TBC1D22A: variants seen among roughly 807,000 people sequenced by gnomAD.
The protein encoded by TBC1D22A is putative GTPase activator.
TBC1D22A carries 38 observed loss-of-function variants against 60.2 expected under a neutral mutation model. The ratio of observed to expected loss-of-function variants is 0.63; its 90% CI spans 0.49 to 0.83. The LOEUF (loss-of-function observed/expected upper bound fraction) is 0.83, where lower values mean the gene tolerates loss of function less well. Among genes scored for constraint, TBC1D22A ranks in the 40% least tolerant of loss-of-function variants. TBC1D22A has a pLI of 0.00. For synonymous variants in TBC1D22A, 302 were observed against 281.7 expected (o/e 1.07, Z -0.72); for missense variants, 628 against 701.0 (o/e 0.90, Z 1.18).
intron 11 of TBC1D22A, among the ~76,000 whole-genome samples, chr22:47,109,916 C>T (rs908093198): frequency 6.6e-6 from 1 of 152,106 alleles, no homozygotes. Context: ...CCTCCTGGTT[C>T]TCCTGGTTCC....
chr22:47,118,236 G>C (rs8142610), intron 12 of TBC1D22A, among the ~76,000 whole-genome samples: 1 of 152,164 alleles, frequency 6.6e-6, no homozygotes, highest in Non-Finnish European at 1.5e-5. Flanking sequence ...TTCTTTCTAA[G>C]TATTTATGGA....
intron 4 of TBC1D22A, among the ~76,000 whole-genome samples, chr22:46,839,535 C>T (rs2086662345): frequency 6.6e-6 from 1 of 152,266 alleles, no homozygotes; most frequent in Admixed American, 6.5e-5. Context: ...AAGTGATCTA[C>T]ACATAGGACA....
intron 10 of TBC1D22A, among the ~76,000 whole-genome samples, chr22:47,021,281 A>C (rs1262736316): frequency 7.8e-6 from 1 of 128,842 alleles, no homozygotes. Flanking sequence ...CCCCACCTGT[A>C]GCCTGGAGCC....
chr22:47,162,732 C>T, intron 12 of TBC1D22A, among the ~76,000 whole-genome samples: 1 of 127,136 alleles, frequency 7.9e-6, no homozygotes, highest in South Asian at 2.5e-4. Flanking sequence ...GGGAATGGGA[C>T]TGCGGACCCG....
intron 10 of TBC1D22A, among the ~76,000 whole-genome samples, chr22:47,001,884 C>T (rs2061421473): frequency 6.6e-6 from 1 of 152,086 alleles, no homozygotes; most frequent in Non-Finnish European, 1.5e-5. Flanking sequence ...GGCATGTGTC[C>T]AGCAACTCCA....
At chr22:47,164,534 C>T (rs6007617) in intron 12 of TBC1D22A, among the ~76,000 whole-genome samples, 1 of 152,060 alleles carries the variant, frequency 6.6e-6, no homozygotes, top group African/African-American at 2.4e-5. Context: ...CTGGGTCTCC[C>T]CTGCCCTTGC....
chr22:46,827,064 C>G (rs1286874865), intron 4 of TBC1D22A, among the ~76,000 whole-genome samples: 1 of 151,796 alleles, frequency 6.6e-6, no homozygotes, highest in Non-Finnish European at 1.5e-5. Context: ...TGACAGGGTT[C>G]TTTGTGCCTG....
At chr22:46,953,229 A>G (rs2073013661) in intron 8 of TBC1D22A, among the ~76,000 whole-genome samples, 1 of 152,212 alleles carries the variant, frequency 6.6e-6, no homozygotes, top group Non-Finnish European at 1.5e-5. Context: ...GTTGCAGTCA[A>G]TATTACATTA....
chr22:46,774,334 C>T, intron 1 of TBC1D22A: 1 of 871,488 alleles, frequency 1.1e-6, no homozygotes, highest in African/African-American at 1.8e-5. Context: ...TGGGCTCTTC[C>T]CATTTCTGGG....
chr22:47,113,019 T>C (rs905418469), intron 12 of TBC1D22A, among the ~76,000 whole-genome samples: 2 of 152,230 alleles, frequency 1.3e-5, no homozygotes, highest in Non-Finnish European at 2.9e-5. Flanking sequence ...TGCGGTCTCC[T>C]GGCCAGCCTC....
intron 8 of TBC1D22A, among the ~76,000 whole-genome samples, chr22:46,916,547 G>A (rs142305368): frequency 0.011 from 1,687 of 152,314 alleles, 40 homozygotes; most frequent in African/African-American, 0.039. Context: ...GTGCAGGCAC[G>A]TGCACGCGGA....
chr22:47,153,281 G>A (rs1363945705), intron 12 of TBC1D22A, among the ~76,000 whole-genome samples: 1 of 152,216 alleles, frequency 6.6e-6, no homozygotes, highest in Non-Finnish European at 1.5e-5. Context: ...GAGTCATGTG[G>A]TCATATCTGA....
At chr22:46,987,325 T>G (rs938789873) in intron 9 of TBC1D22A, among the ~76,000 whole-genome samples, 1 of 152,204 alleles carries the variant, frequency 6.6e-6, no homozygotes, top group Non-Finnish European at 1.5e-5. Context: ...GAAAATACCC[T>G]ACTTGTATCT....
At chr22:46,994,645 C>G (rs777307161) in intron 9 of TBC1D22A, among the ~76,000 whole-genome samples, 1 of 152,222 alleles carries the variant, frequency 6.6e-6, no homozygotes, top group African/African-American at 2.4e-5. Flanking sequence ...ATAGGACATT[C>G]ATTAAATAAT....
chr22:47,104,884 T>C (rs1302411445), intron 11 of TBC1D22A, among the ~76,000 whole-genome samples: 1 of 152,124 alleles, frequency 6.6e-6, no homozygotes, highest in Non-Finnish European at 1.5e-5. Context: ...TAAATTCACC[T>C]ATCGCCTGGG....
intron 12 of TBC1D22A, among the ~76,000 whole-genome samples, chr22:47,157,689 C>T (rs76170156): frequency 0.02 from 2,993 of 152,318 alleles, 57 homozygotes; most frequent in Non-Finnish European, 0.032. Flanking sequence ...CGCTGACCCT[C>T]GCTCCGAGTC....
chr22:46,834,213 A>G (rs1332428881), intron 4 of TBC1D22A, among the ~76,000 whole-genome samples: 1 of 152,174 alleles, frequency 6.6e-6, no homozygotes, highest in Non-Finnish European at 1.5e-5. Flanking sequence ...AAATACCAGA[A>G]TAAAAAAGCA....
intron 5 of TBC1D22A, among the ~76,000 whole-genome samples, chr22:46,885,261 T>G (rs1277928792): frequency 6.6e-6 from 1 of 152,102 alleles, no homozygotes; most frequent in East Asian, 1.9e-4. Flanking sequence ...TTCGGTGACT[T>G]GGGATCACAT....
chr22:47,169,060 G>T (rs1230824161), intron 12 of TBC1D22A, among the ~76,000 whole-genome samples: 1 of 152,178 alleles, frequency 6.6e-6, no homozygotes, highest in African/African-American at 2.4e-5. Flanking sequence ...GGCGGCTTCT[G>T]TCTAAGTGTG....
Sources: allele counts gnomAD v4.1 joint callset (sites outside exome capture counted in the v4.1 genomes callset), GRCh38; gene constraint gnomAD v4.1.1; transcripts MANE v1.5; gene names NCBI Gene and HGNC (gene_info 2026-07-23, HGNC 2026-07-21).